The following DNAH17 variants were observed in gnomAD, a reference collection of about 807,000 sequenced individuals.
DNAH17 encodes axonemal beta dynein heavy chain 17.
In DNAH17, 376 loss-of-function variants were observed where a neutral mutation model predicts 485.6. That is an observed-to-expected ratio of 0.77 (90% confidence interval 0.71 to 0.84). The LOEUF is 0.84. Among genes scored for constraint, DNAH17 ranks in the 40% least tolerant of loss-of-function variants. The pLI, the probability that DNAH17 is intolerant of heterozygous loss-of-function variation, is 0.00. For missense variants in DNAH17, 6,370 were observed against 5,839.3 expected, an observed-to-expected ratio of 1.09 and a Z score of -2.96; for synonymous variants, 3,031 against 2,405.9, an observed-to-expected ratio of 1.26 and a Z score of -7.60.
At position 78,529,730 on chromosome 17, in the gene DNAH17, C is replaced by A. The variant is rs1357063238; in HGVS notation, c.3285-36G>T. ...AGGGGACCATTTGTGTGGCCCCAGC[C>A]CCCCTTAGGCCCACCCTTGATGGTA... On this transcript the variant is annotated intron_variant, in intron 21 of 80. Coordinates refer to ENST00000389840, the MANE Select transcript of DNAH17 (RefSeq NM_173628.4). 3.1e-6 allele frequency: 5 copies of A among 1,597,354 alleles called. No individual in the cohort carries two copies. In the Admixed American group the frequency reaches 6.7e-5, roughly 22 times the overall value.
Position 78,480,035 on chromosome 17 carries a change from TTTTTTTTTTTTTTTA to T in DNAH17, c.7753-418_7753-404del, listed in dbSNP as rs1207122060. Among the ~76,000 whole-genome samples the T allele has an allele frequency of 1.9e-3, 165 of 86,446 alleles. 16 individuals carry two copies. The highest frequency in any genetic ancestry group is 1.5e-3 in the Non-Finnish European group (72 of 47,228). 56.7% of individuals were successfully genotyped at this position (86,446 alleles called of 152,430 possible). A position where few individuals can be genotyped will look rare whatever the true frequency, so the allele number is the denominator to read the frequency against. On this transcript the variant is annotated intron_variant, in intron 49 of 80. Transcript: ENST00000389840. ...GTACTTTTTTTTTTTTTTTTTTTTT[TTTTTTTTTTTTTTTA>T]AAAAAAGTATGTCCCAGGCCGGGCA... is the stretch of plus-strand genomic sequence containing the variant.
chr17:78,468,778 T>G lies in DNAH17; in HGVS notation c.8617A>C (p.Asn2873His). ...ATCTCTCCTGAGGCCAGCAGGTCATTGATCAGCACCAGAAACTGCTCCTCG... is the reference window on the plus strand; with the variant it reads ...ATCTCTCCTGAGGCCAGCAGGTCATGGATCAGCACCAGAAACTGCTCCTCG... ...VAEEQFLVLINDLLASGEIPG... is the reference protein window; with the variant it reads ...VAEEQFLVLIHDLLASGEIPG... Residue 2873 changes from asparagine (N) to histidine (H), a missense_variant, in exon 55 of 81, where the codon AAT becomes CAT. Coordinates refer to ENST00000389840, the MANE Select transcript of DNAH17 (RefSeq NM_173628.4). 6.2e-7 allele frequency: 1 copy of G among 1,614,066 alleles called. No homozygotes were observed. The highest frequency in any genetic ancestry group is 8.5e-7 in the Non-Finnish European group (1 of 1,179,902).
intron 1 of DNAH17, among the ~76,000 whole-genome samples, chr17:78,576,384 A>C (rs2092433190): frequency 6.6e-6 from 1 of 152,288 alleles, no homozygotes; most frequent in South Asian, 2.1e-4. Flanking sequence ...GGACTTGGGG[A>C]ATATTTGGCC....
chr17:78,554,435 T>TCAAA (rs2091974723), intron 14 of DNAH17, among the ~76,000 whole-genome samples: 1 of 24,322 alleles, frequency 4.1e-5, no homozygotes, highest in Non-Finnish European at 7.9e-5. Context: ...AGACTCTGTC[T>TCAAA]CAAAAAAAAA....
intron 17 of DNAH17, among the ~76,000 whole-genome samples, chr17:78,541,963 G>T (rs960468815): frequency 2.0e-5 from 3 of 152,074 alleles, no homozygotes; most frequent in African/African-American, 7.2e-5. Flanking sequence ...GTTCAGTCAA[G>T]TCACTTCCTG....
At chr17:78,561,690 G>A in intron 12 of DNAH17, 25 bp downstream of exon 12, 1 of 1,578,452 alleles carries the variant, frequency 6.3e-7, no homozygotes, top group South Asian at 1.2e-5. Context: ...CGGGGTGCCT[G>A]CCCCTGCCCA....
At chr17:78,483,569 G>A (rs758107199) in intron 48 of DNAH17, among the ~76,000 whole-genome samples, 1 of 152,160 alleles carries the variant, frequency 6.6e-6, no homozygotes, top group Non-Finnish European at 1.5e-5. Flanking sequence ...GGCAGAGGTT[G>A]CAGTGAGCCA....
At chr17:78,551,035 A>G (rs1446665363) in intron 16 of DNAH17, among the ~76,000 whole-genome samples, 3 of 152,212 alleles carry the variant, frequency 2.0e-5, no homozygotes, top group Non-Finnish European at 2.9e-5. Context: ...CCTGGGCAAC[A>G]TGGTGAAACC....
intron 18 of DNAH17, among the ~76,000 whole-genome samples, chr17:78,537,967 C>A (rs995167940): frequency 6.6e-6 from 1 of 152,048 alleles, no homozygotes; most frequent in South Asian, 2.1e-4. Flanking sequence ...GGCGAAGCCC[C>A]GTCTCTACTA....
At chr17:78,548,202 C>CTTTT (rs34701814) in intron 16 of DNAH17, among the ~76,000 whole-genome samples, 7,594 of 79,708 alleles carry the variant, frequency 0.095, 1,145 homozygotes, top group African/African-American at 0.16. Context: ...ATGTCATGGC[C>CTTTT]TTTTTTTTTT....
At chr17:78,545,486 C>T (rs766673218) in intron 16 of DNAH17, among the ~76,000 whole-genome samples, 6 of 152,108 alleles carry the variant, frequency 3.9e-5, no homozygotes, top group Non-Finnish European at 7.3e-5. Flanking sequence ...TGATGATGGC[C>T]GCCTTCTTGT....
intron 71 of DNAH17, among the ~76,000 whole-genome samples, 191 bp downstream of exon 71, chr17:78,444,413 C>G (rs908631491): frequency 7.9e-5 from 12 of 152,218 alleles, no homozygotes; most frequent in African/African-American, 2.9e-4. Flanking sequence ...AATCCTGCCT[C>G]TGTCCTCGAA....
At chr17:78,526,822 C>CT in intron 23 of DNAH17, 58 bp downstream of exon 23, 1 of 1,558,494 alleles carries the variant, frequency 6.4e-7, no homozygotes, top group Non-Finnish European at 8.7e-7. Flanking sequence ...CCGCAGGGCC[C>CT]TGGGTGAGCC....
rs111247506 is a variant in DNAH17 at position 78,492,437 on chromosome 17, T to C, written c.6541+196A>G. On this transcript the variant is annotated intron_variant, in intron 42 of 80. Transcript: ENST00000389840. ...CAGCTCCTGTGGCCCCCATTCCTTA[T>C]CCCCCAGCCCGGGTGCTACGTGCCC... 7.3e-4 allele frequency among the ~76,000 whole-genome samples: 111 copies of C among 152,098 alleles called. 1 individual carries two copies. Among genetic ancestry groups the C allele is most frequent in the African/African-American group, 2.5e-3 (104 of 41,482 alleles).
chr17:78,466,941 G>T, intron 55 of DNAH17, 125 bp from the exon 56 acceptor site: 1 of 1,003,428 alleles, frequency 1.0e-6, no homozygotes, highest in Non-Finnish European at 1.4e-6. Flanking sequence ...CCAGGGCCTG[G>T]GCAGCACAGT....
chr17:78,446,248 G>GATT (rs902745856), intron 69 of DNAH17, among the ~76,000 whole-genome samples: 19 of 142,286 alleles, frequency 1.3e-4, no homozygotes, highest in Middle Eastern at 7.5e-3. Flanking sequence ...CATTTCACAT[G>GATT]ATTCGCAGCA....
intron 62 of DNAH17, among the ~76,000 whole-genome samples, chr17:78,456,073 T>G (rs1019630919): frequency 6.6e-6 from 1 of 151,710 alleles, no homozygotes; most frequent in Non-Finnish European, 1.5e-5. Context: ...CTGAGGCGGG[T>G]GGATCACTTG....
chr17:78,482,201 C>T (rs2089380919), intron 48 of DNAH17, among the ~76,000 whole-genome samples: 1 of 151,468 alleles, frequency 6.6e-6, no homozygotes, highest in Admixed American at 6.6e-5. Context: ...CTCAGCCTCA[C>T]ACTACCATGC....
intron 1 of DNAH17, among the ~76,000 whole-genome samples, chr17:78,576,253 T>C (rs1411221005): frequency 6.6e-6 from 1 of 152,184 alleles, no homozygotes; most frequent in Non-Finnish European, 1.5e-5. Context: ...AACAGGTTTA[T>C]TTCACCCTGG....
Sources: gnomAD v4.1 joint callset for allele counts (sites outside exome capture counted in the v4.1 genomes callset) on GRCh38, gnomAD v4.1.1 for gene constraint, MANE v1.5 for transcripts, NCBI Gene and HGNC (gene_info 2026-07-23, HGNC 2026-07-21) for gene names.